DDX42: variants seen among roughly 807,000 people sequenced by gnomAD.
DDX42 encodes ATP-dependent RNA helicase DDX42.
In DDX42, 22 loss-of-function variants were observed where a neutral mutation model predicts 101.5. That is an observed-to-expected ratio of 0.22 (90% CI 0.15 to 0.31). The LOEUF is 0.31. Among genes scored for constraint, DDX42 ranks in the 10% least tolerant of loss-of-function variants. The probability of loss-of-function intolerance (pLI) is 1.00; values close to 1 mark genes in which losing one functional copy is unlikely to be tolerated. For missense variants in DDX42, 849 were observed against 1,199.9 expected, an observed-to-expected ratio of 0.71 and a Z score of 4.32; for synonymous variants, 402 against 401.2, an observed-to-expected ratio of 1.00 and a Z score of -0.02.
At chr17:63,805,376 A>G in intron 7 of DDX42, 1 of 597,560 alleles carries the variant, frequency 1.7e-6, no homozygotes. Flanking sequence ...TTAGGATAGG[A>G]TCATTTTCTT....
At chr17:63,783,235 A>G (rs778983670) in intron 1 of DDX42, among the ~76,000 whole-genome samples, 5 of 152,184 alleles carry the variant, frequency 3.3e-5, no homozygotes, top group Admixed American at 1.3e-4. Context: ...TCTTTCATGT[A>G]TGAATGCCTA....
chr17:63,817,012 TG>T (rs767867503), intron 17 of DDX42, 46 bp downstream of exon 17: 1 of 1,560,542 alleles, frequency 6.4e-7, no homozygotes, highest in Non-Finnish European at 8.8e-7. Flanking sequence ...CAGTAACTCT[TG>T]GGCAGTGACA....
Position 63,805,133 on chromosome 17 carries a change from T to G in DDX42, c.684T>G (p.Thr228=). 1 of 1,613,256 alleles carries G rather than the reference T, an allele frequency of 6.2e-7. No individual in the cohort carries two copies. Among genetic ancestry groups the G allele is most frequent in the Non-Finnish European group, 8.5e-7 (1 of 1,179,854 alleles). Residue 228 remains threonine (T), a synonymous_variant, in exon 7 of 18, where the codon ACT becomes ACG. Coordinates refer to ENST00000389924, the MANE Select transcript of DDX42 (RefSeq NM_203499.3). ...YNEHEEITNL[T]PQQLIDLRHK... is the part of the protein sequence containing the mutation. ...AGCATGAAGAGATAACCAACCTCAC[T>G]CCACAGCAGTTAATAGATCTCCGGC...
At chr17:63,798,211 T>C (rs2039717161) in intron 4 of DDX42, 112 bp downstream of exon 4, 6 of 871,494 alleles carry the variant, frequency 6.9e-6, no homozygotes, top group African/African-American at 1.7e-5. Context: ...CTTGTGTACT[T>C]TACTTGAAGT....
intron 6 of DDX42, 150 bp from the exon 7 acceptor site, chr17:63,804,921 T>C: frequency 2.2e-6 from 2 of 914,720 alleles, no homozygotes; most frequent in South Asian, 1.9e-5. Flanking sequence ...CTTTTTAGGA[T>C]CTAAGCTGAG....
At chr17:63,806,814 A>G (rs2039846787) in intron 8 of DDX42, among the ~76,000 whole-genome samples, 160 bp downstream of exon 8, 1 of 152,240 alleles carries the variant, frequency 6.6e-6, no homozygotes, top group South Asian at 2.1e-4. Flanking sequence ...ATGGCTGACA[A>G]ATATTCTTTT....
chr17:63,811,093 A>G lies in DDX42; in HGVS notation c.1318A>G (p.Thr440Ala), dbSNP rs867622812. ...CCTTTTAGCTCTCTTATTTAGTGCA[A>G]CTTTTCGGAAGAAGATTGAAAAGTT... ...PDRQTLLFSA[T>A]FRKKIEKLAR... is the part of the protein sequence containing the mutation. The change falls in exon 13 of 18, where the codon ACT becomes GCT. Residue 440 changes from threonine to alanine, a missense_variant. Around this residue, in one of 5 missense-constraint regions of DDX42, gnomAD observed 370 missense variants for 608.8 expected, o/e 0.61. Coordinates refer to ENST00000389924, the MANE Select transcript of DDX42 (RefSeq NM_203499.3). 1 of 1,614,060 alleles carries G rather than the reference A, an allele frequency of 6.2e-7. No homozygotes were observed. The highest frequency in any genetic ancestry group is 8.5e-7 in the Non-Finnish European group (1 of 1,179,974).
chr17:63,783,859 A>T (rs2665841), intron 1 of DDX42, among the ~76,000 whole-genome samples: 106,448 of 151,922 alleles, frequency 0.7, 38,735 homozygotes, highest in African/African-American at 0.92. Context: ...GGTCGGGAGT[A>T]CAAGACCAGC....
At chr17:63,796,977 G>A (rs2039701009) in intron 3 of DDX42, among the ~76,000 whole-genome samples, 1 of 152,142 alleles carries the variant, frequency 6.6e-6, no homozygotes, top group Admixed American at 6.5e-5. Flanking sequence ...GCTTTATAGT[G>A]AGAAAAAGTT....
At position 63,789,534 on chromosome 17, in the gene DDX42, G is replaced by A. The variant is rs1436846442; in HGVS notation, c.221+2264G>A. The stretch of plus-strand genomic sequence containing the variant: ...CAGCAGATGTTAATTGGAAAAAAAA[G>A]CTTCTAAAAGACTTTTTTGTTTTTG... On this transcript the variant is annotated intron_variant, in intron 2 of 17. Coordinates refer to ENST00000389924, the MANE Select transcript of DDX42 (RefSeq NM_203499.3). Among the ~76,000 whole-genome samples, 11 of 131,224 alleles carry A rather than the reference G, an allele frequency of 8.4e-5. No homozygotes were observed. The South Asian group carries it at 2.6e-3, about 31-fold the overall frequency. 86.1% of individuals were successfully genotyped at this position (131,224 alleles called of 152,430 possible).
In DDX42 at chr17:63,799,491, C is replaced by T. The variant is rs758729670; in HGVS notation, c.435-98C>T. 37 of 1,322,472 alleles carry T rather than the reference C, an allele frequency of 2.8e-5. No individual in the cohort carries two copies. In the Admixed American group the frequency reaches 6.8e-4, roughly 24 times the overall value. 81.9% of individuals were successfully genotyped at this position (1,322,472 alleles called of 1,614,324 possible). On this transcript the variant is annotated intron_variant, in intron 4 of 17. Transcript: ENST00000389924. ...TTTGTTATTATTAGTGTTGAGAGTT[C>T]CTGTGCTGTGTGGAATTCAACACTA...
In DDX42 at chr17:63,818,352, C is replaced by T. The variant is rs1342853346; in HGVS notation, c.2771C>T (p.Ala924Val). ...SKTDKTADGF[A>V]VPEPPKRKKS... ...ACAGATAAGACAGCTGACGGCTTTG[C>T]TGTCCCAGAGCCGCCTAAACGCAAG... The change falls in exon 18 of 18, where the codon GCT (alanine) becomes GTT (valine). Residue 924 changes from alanine (A) to valine (V), a missense_variant. Around this residue, in one of 5 missense-constraint regions of DDX42, gnomAD observed 300 missense variants for 304.9 expected, o/e 0.98. Transcript: ENST00000389924. The T allele has an allele frequency of 6.2e-7, 1 of 1,614,020 alleles. No homozygotes were observed. The highest frequency in any genetic ancestry group is 1.3e-5 in the African/African-American group (1 of 75,062).
chr17:63,813,572 G>T lies in DDX42; in HGVS notation c.1902+118G>T, dbSNP rs2039938789. 5.0e-6 allele frequency: 4 copies of T among 796,632 alleles called. No individual in the cohort carries two copies. The South Asian group carries it at 7.1e-5, about 14-fold the overall frequency. 49.3% of individuals were successfully genotyped at this position (796,632 alleles called of 1,614,324 possible). On this transcript the variant is annotated intron_variant, in intron 15 of 17. Transcript: ENST00000389924. ...AAGTTGGGTGGCTAGGAGGATGTGG[G>T]GCTTATGAGGTACAGATAGGAATTG... is the stretch of plus-strand genomic sequence containing the variant.
chr17:63,778,881 C>T (rs991337675), intron 1 of DDX42, among the ~76,000 whole-genome samples: 4 of 152,034 alleles, frequency 2.6e-5, no homozygotes, highest in African/African-American at 7.3e-5. Flanking sequence ...CCTTGTGATC[C>T]GTCCACCTCG....
chr17:63,792,114 A>G (rs1044161094), intron 2 of DDX42, among the ~76,000 whole-genome samples: 1 of 151,936 alleles, frequency 6.6e-6, no homozygotes, highest in Non-Finnish European at 1.5e-5. Flanking sequence ...TTATCTAACA[A>G]TGGTCAGTAA....
intron 7 of DDX42, 102 bp from the exon 8 acceptor site, chr17:63,806,433 C>G: frequency 7.6e-7 from 1 of 1,314,402 alleles, no homozygotes; most frequent in Non-Finnish European, 1.0e-6. Flanking sequence ...ATTTTTACTT[C>G]ATACTCCAGC....
chr17:63,812,697 AGAG>A (rs1419639904), intron 14 of DDX42, among the ~76,000 whole-genome samples: 1 of 152,176 alleles, frequency 6.6e-6, no homozygotes, highest in African/African-American at 2.4e-5. Context: ...TCCCAGTGCA[AGAG>A]AAGAGGGCAT....
chr17:63,817,058 C>G, intron 17 of DDX42, 92 bp downstream of exon 17: 1 of 1,070,554 alleles, frequency 9.3e-7, no homozygotes, highest in African/African-American at 1.6e-5. Context: ...AGCTGGGCGC[C>G]TAGGCTTGAT....
At chr17:63,794,957 A>T (rs2039675586) in intron 3 of DDX42, among the ~76,000 whole-genome samples, 1 of 151,976 alleles carries the variant, frequency 6.6e-6, no homozygotes, top group African/African-American at 2.4e-5. Flanking sequence ...AAAAAAGAAA[A>T]ATTGTCACTT....
Sources: allele counts gnomAD v4.1 joint callset (sites outside exome capture counted in the v4.1 genomes callset), GRCh38; gene constraint gnomAD v4.1.1; regional missense constraint gnomAD v4.1.1; transcripts MANE v1.5; gene names NCBI Gene and HGNC (gene_info 2026-07-23, HGNC 2026-07-21).